Variants in CUX1 observed in about 807,000 individuals in gnomAD.
CUX1 encodes cut like homeobox 1.
In CUX1, 31 loss-of-function variants were observed where a neutral mutation model predicts 158.8. The ratio of observed to expected loss-of-function variants is 0.20; its 90% CI spans 0.15 to 0.26. The LOEUF (loss-of-function observed/expected upper bound fraction) is 0.26, where lower values mean the gene tolerates loss of function less well. Ranked by LOEUF, CUX1 falls within the 10% of genes least tolerant of loss-of-function variation. CUX1 has a pLI of 1.00. For synonymous variants in CUX1, 879 were observed against 862.1 expected, an observed-to-expected ratio of 1.02 and a Z score of -0.34; for missense variants, 1,589 against 2,014.6, an observed-to-expected ratio of 0.79 and a Z score of 4.04.
At position 102,253,535 on chromosome 7, in the gene CUX1, T is replaced by G; in HGVS notation, c.*4493T>G. On this transcript the variant is annotated 3_prime_UTR_variant, in exon 24 of 24. Coordinates refer to ENST00000292535, the MANE Select transcript of CUX1 (RefSeq NM_181552.4). Reference sequence around the variant, plus strand: ...TGCAAGGGTGATCAATGAACTCTGTTGACATTCTATGCAATGTTTTTCATT... The same window carrying G: ...TGCAAGGGTGATCAATGAACTCTGTGGACATTCTATGCAATGTTTTTCATT... The G allele has an allele frequency of 1.5e-5, 15 of 985,482 alleles. No individual in the cohort carries two copies. The highest frequency in any genetic ancestry group is 1.8e-5 in the Non-Finnish European group (15 of 829,932). 61.0% of individuals were successfully genotyped at this position (985,482 alleles called of 1,614,324 possible). A position where few individuals can be genotyped will look rare whatever the true frequency, so the allele number is the denominator to read the frequency against.
intron 10 of CUX1, among the ~76,000 whole-genome samples, chr7:102,171,962 G>A (rs1479509877): frequency 2.0e-5 from 3 of 152,204 alleles, no homozygotes; most frequent in Non-Finnish European, 4.4e-5. Flanking sequence ...GTGGACACCC[G>A]AAGAACCATA....
chr7:101,989,176 G>A lies in CUX1; in HGVS notation c.142-38922G>A, dbSNP rs547900290. Among the ~76,000 whole-genome samples, 435 of 151,490 alleles carry A rather than the reference G, an allele frequency of 2.9e-3. 1 individual carries two copies. Among genetic ancestry groups the A allele is most frequent in the Non-Finnish European group, 4.4e-3 (302 of 67,914 alleles). Reference sequence around the variant, plus strand: ...CCTTCCTTCCTATTCCCCCAGCACCGACGTCACCTCATCCTGCCCGACTCT... The same window carrying A: ...CCTTCCTTCCTATTCCCCCAGCACCAACGTCACCTCATCCTGCCCGACTCT... On this transcript the variant is annotated intron_variant, in intron 2 of 23. Transcript: ENST00000292535.
At chr7:102,283,292 C>T (rs1554549968) in exon 23 of CUX1, 7 of 584,204 alleles carry the variant, frequency 1.2e-5, no homozygotes, top group East Asian at 2.9e-5. Context: ...GTCCAGAGAG[C>T]GAGCCCCCAA....
intron 2 of CUX1, among the ~76,000 whole-genome samples, chr7:101,959,154 T>A (rs1810141490): frequency 6.6e-6 from 1 of 151,996 alleles, no homozygotes; most frequent in Non-Finnish European, 1.5e-5. Flanking sequence ...ACGCCCAGCC[T>A]GGATGATTGG....
At chr7:101,967,253 T>C (rs1451886308) in intron 2 of CUX1, among the ~76,000 whole-genome samples, 1 of 152,052 alleles carries the variant, frequency 6.6e-6, no homozygotes, top group African/African-American at 2.4e-5. Context: ...GACCTCAGGC[T>C]ATCCACCCGC....
chr7:101,870,158 T>TG (rs1562949387), intron 1 of CUX1, among the ~76,000 whole-genome samples: 2 of 149,264 alleles, frequency 1.3e-5, no homozygotes, highest in African/African-American at 2.5e-5. Flanking sequence ...TTTTTGTTTT[T>TG]TTTTTTTTTT....
chr7:101,951,330 C>CAA (rs200121541), intron 2 of CUX1, among the ~76,000 whole-genome samples: 1 of 133,152 alleles, frequency 7.5e-6, no homozygotes, highest in Non-Finnish European at 1.6e-5. Flanking sequence ...GACACTGTCT[C>CAA]AAAAAAAAAA....
At chr7:102,118,022 C>T (rs782057138) in intron 8 of CUX1, among the ~76,000 whole-genome samples, 6 of 152,192 alleles carry the variant, frequency 3.9e-5, no homozygotes, top group Admixed American at 1.3e-4. Flanking sequence ...ACTTTGGAGG[C>T]CATGGGCTCA....
chr7:102,055,210 AT>A (rs142598480), intron 3 of CUX1, among the ~76,000 whole-genome samples: 4,129 of 147,018 alleles, frequency 0.028, 75 homozygotes, highest in Non-Finnish European at 0.04. Context: ...TTATAAATGG[AT>A]TTTTTTTTTT....
intron 11 of CUX1, among the ~76,000 whole-genome samples, chr7:102,183,854 A>C (rs17135076): frequency 0.067 from 10,148 of 152,266 alleles, 392 homozygotes; most frequent in African/African-American, 0.084. Context: ...CCTGGAAGAC[A>C]TGACCTTTCC....
intron 14 of CUX1, among the ~76,000 whole-genome samples, chr7:102,269,654 C>T (rs1554545831): frequency 6.7e-6 from 1 of 148,550 alleles, no homozygotes; most frequent in East Asian, 2.0e-4. Flanking sequence ...AAACTCCTGA[C>T]CTCAGGTGAT....
intron 1 of CUX1, among the ~76,000 whole-genome samples, chr7:101,848,096 T>C (rs1795897689): frequency 6.6e-6 from 1 of 150,424 alleles, no homozygotes. Flanking sequence ...AATAAACTGC[T>C]TTATATTAAA....
At chr7:102,080,386 T>C (rs1554478201) in intron 4 of CUX1, among the ~76,000 whole-genome samples, 1 of 152,188 alleles carries the variant, frequency 6.6e-6, no homozygotes, top group East Asian at 1.9e-4. Flanking sequence ...GAATTCCAGT[T>C]GATTTTCTTA....
intron 9 of CUX1, among the ~76,000 whole-genome samples, chr7:102,165,623 C>T (rs1292184228): frequency 6.6e-6 from 1 of 152,158 alleles, no homozygotes; most frequent in Non-Finnish European, 1.5e-5. Flanking sequence ...CCTCAGCCTC[C>T]CAAAGTGCTG....
At chr7:102,048,721 C>G (rs1300417415) in intron 3 of CUX1, among the ~76,000 whole-genome samples, 2 of 152,098 alleles carry the variant, frequency 1.3e-5, no homozygotes, top group Admixed American at 6.5e-5. Flanking sequence ...CCCAGCTACT[C>G]GAGAGGCTGA....
intron 9 of CUX1, among the ~76,000 whole-genome samples, chr7:102,165,604 A>C (rs1220092923): frequency 1.3e-5 from 2 of 152,094 alleles, no homozygotes; most frequent in Non-Finnish European, 2.9e-5. Flanking sequence ...ACCTCAAGTG[A>C]TCTGCCCACC....
intron 5 of CUX1, among the ~76,000 whole-genome samples, chr7:102,098,445 C>G (rs1370578383): frequency 1.3e-5 from 2 of 152,058 alleles, no homozygotes; most frequent in African/African-American, 4.8e-5. Flanking sequence ...TACTCTGTCT[C>G]TACAGAACAT....
chr7:101,921,444 A>G (rs1363647973), intron 2 of CUX1, among the ~76,000 whole-genome samples: 1 of 150,842 alleles, frequency 6.6e-6, no homozygotes, highest in East Asian at 1.9e-4. Flanking sequence ...ATTTTATTTT[A>G]TTTATTTATT....
chr7:101,871,815 C>G (rs1333791384), intron 1 of CUX1, among the ~76,000 whole-genome samples: 1 of 152,044 alleles, frequency 6.6e-6, no homozygotes. Context: ...GTCAGGAGTT[C>G]AAGACCACCC....
Sources: gnomAD v4.1 joint callset for allele counts (sites outside exome capture counted in the v4.1 genomes callset) on GRCh38, gnomAD v4.1.1 for gene constraint, MANE v1.5 for transcripts, NCBI Gene and HGNC (gene_info 2026-07-23, HGNC 2026-07-21) for gene names.